Variants in NOTCH2 observed in about 807,000 individuals in gnomAD.
NOTCH2 encodes the protein notch receptor 2, also known as neurogenic locus notch homolog protein 2.
Under a neutral mutation model 235.8 loss-of-function variants are expected in NOTCH2, and 29 were observed. That is an observed-to-expected ratio of 0.12 (90% CI 0.09 to 0.17). The LOEUF is 0.17. Ranked by LOEUF, NOTCH2 falls within the 10% of genes least tolerant of loss-of-function variation. NOTCH2 has a pLI of 1.00. For missense variants in NOTCH2, 2,285 were observed against 3,150.2 expected (o/e 0.73, Z 6.57); for synonymous variants, 1,086 against 1,141.5 (o/e 0.95, Z 0.98).
At chr1:119,946,434 A>T (rs10923926) in intron 17 of NOTCH2, among the ~76,000 whole-genome samples, 101,677 of 151,998 alleles carry the variant, frequency 0.67, 40,910 homozygotes, top group East Asian at 0.9. Context: ...ATCCAATAAT[A>T]CATAAAAGGA....
intron 1 of NOTCH2, among the ~76,000 whole-genome samples, chr1:120,067,265 A>G (rs1184045484): frequency 6.9e-6 from 1 of 144,678 alleles, no homozygotes; most frequent in Non-Finnish European, 1.5e-5. Flanking sequence ...CTTCTACTGC[A>G]TTAGTTTAGC....
chr1:119,973,620 G>A (rs587714405), intron 5 of NOTCH2, among the ~76,000 whole-genome samples: 252 of 152,158 alleles, frequency 1.7e-3, no homozygotes, highest in Non-Finnish European at 2.4e-3. Flanking sequence ...GCTGATCCCA[G>A]GGTCTTACAG....
intron 19 of NOTCH2, 36 bp downstream of exon 19, chr1:119,940,519 T>C: frequency 6.3e-7 from 1 of 1,583,078 alleles, no homozygotes; most frequent in Non-Finnish European, 8.7e-7. Flanking sequence ...TCAGCTGCTC[T>C]AGGGGAGCTG....
intron 1 of NOTCH2, among the ~76,000 whole-genome samples, chr1:120,039,262 A>C (rs1299849714): frequency 5.3e-5 from 8 of 151,982 alleles, no homozygotes; most frequent in African/African-American, 2.4e-5. Flanking sequence ...TTAGTGGTCA[A>C]AGAAAGTGAA....
intron 17 of NOTCH2, among the ~76,000 whole-genome samples, chr1:119,946,973 A>T (rs1650280526): frequency 6.6e-6 from 1 of 152,152 alleles, no homozygotes; most frequent in Non-Finnish European, 1.5e-5. Flanking sequence ...AAGTTAGTTT[A>T]GTACAGTAAG....
Position 119,915,485 on chromosome 1 carries a change from G to C in NOTCH2, c.7237C>G (p.Pro2413Ala). Residue 2413 changes from proline (P) to alanine (A), a missense_variant, in exon 34 of 34, where the codon CCC (proline) becomes GCC (alanine). Physicochemically the swap from Pro to Ala is conservative, Grantham distance 27 (BLOSUM62 -1). Coordinates refer to ENST00000256646, the MANE Select transcript of NOTCH2 (RefSeq NM_024408.4). The part of the protein sequence containing the change: ...SHSGHLQGEH[P>A]YLTPSPESPD... ...GACTCTGGGGATGGTGTCAGGTAGG[G>C]ATGCTCACCCTGGAGGTGACCACTG... The C allele has an allele frequency of 6.2e-7, 1 of 1,614,170 alleles. No homozygotes were observed. The highest frequency in any genetic ancestry group is 8.5e-7 in the Non-Finnish European group (1 of 1,180,024).
At chr1:119,984,481 A>G (rs1051061774) in intron 5 of NOTCH2, among the ~76,000 whole-genome samples, 2 of 152,228 alleles carry the variant, frequency 1.3e-5, no homozygotes, top group East Asian at 3.8e-4. Flanking sequence ...TGTAATTAGC[A>G]CAGTATTTGG....
intron 22 of NOTCH2, among the ~76,000 whole-genome samples, chr1:119,932,830 T>G (rs1649716934): frequency 6.6e-6 from 1 of 152,188 alleles, no homozygotes; most frequent in East Asian, 1.9e-4. Context: ...GATACAGTTT[T>G]TGAAAAATTC....
At chr1:120,041,071 A>AAAT (rs1557859547) in intron 1 of NOTCH2, among the ~76,000 whole-genome samples, 19 of 77,296 alleles carry the variant, frequency 2.5e-4, no homozygotes, top group Non-Finnish European at 3.4e-4. Flanking sequence ...AAAAAAAAAA[A>AAAT]ATATATATAT....
rs1290494696 is a variant in NOTCH2, at chr1:119,999,966, A to G, written c.416-2634T>C. 1.6e-3 allele frequency among the ~76,000 whole-genome samples: 190 copies of G among 119,476 alleles called. 1 individual carries two copies. The highest frequency in any genetic ancestry group is 3.9e-3 in the Middle Eastern group (1 of 256). The allele number at this position is 119,476 out of a possible 152,430, so 78.4% of individuals were successfully genotyped here. On this transcript the variant is annotated intron_variant, in intron 3 of 33. Transcript: ENST00000256646. The stretch of plus-strand genomic sequence containing the variant: ...AAGAAAGAAAGAAAGAAAGAAAGAA[A>G]GAAAGAAAGAAAGGAAGGAAGGAAG...
intron 1 of NOTCH2, among the ~76,000 whole-genome samples, chr1:120,040,617 AT>A (rs1654505920): frequency 1.7e-5 from 2 of 119,862 alleles, no homozygotes; most frequent in Non-Finnish European, 3.5e-5. Context: ...TATGGAGATT[AT>A]AAATGCCTAT....
intron 3 of NOTCH2, among the ~76,000 whole-genome samples, chr1:120,000,495 T>C (rs1652706408): frequency 7.6e-6 from 1 of 131,608 alleles, no homozygotes; most frequent in African/African-American, 3.3e-5. Flanking sequence ...GATTGTGCCC[T>C]GCACTCCAGC....
chr1:119,963,281 T>C (rs1651013882), intron 11 of NOTCH2, among the ~76,000 whole-genome samples: 1 of 151,072 alleles, frequency 6.6e-6, no homozygotes, highest in African/African-American at 2.4e-5. Flanking sequence ...AAAAAGAGGG[T>C]TTTCAATTTT....
rs776991920 is a variant in NOTCH2 at position 119,919,625 on chromosome 1, G to GA, written c.5480-13dup. 12 of 1,613,004 alleles carry GA rather than the reference G, an allele frequency of 7.4e-6. No homozygotes were observed. The East Asian group carries it at 2.7e-4, about 36-fold the overall frequency. ...TGGGGTGCAGCCATCTGTAGGAATGGAAAATTCCATAAAGTACTCAAGAAG... is the reference window on the plus strand; with the variant it reads ...TGGGGTGCAGCCATCTGTAGGAATGGAAAAATTCCATAAAGTACTCAAGAAG... On this transcript the variant is annotated splice_polypyrimidine_tract_variant and intron_variant, in intron 30 of 33. Coordinates refer to ENST00000256646, the MANE Select transcript of NOTCH2 (RefSeq NM_024408.4).
chr1:120,041,065 A>T (rs1196736828), intron 1 of NOTCH2, among the ~76,000 whole-genome samples: 3 of 110,710 alleles, frequency 2.7e-5, no homozygotes, highest in South Asian at 2.9e-4. Context: ...AAAAAAAAAA[A>T]AAAAAAATAT....
At chr1:119,920,963 T>C (rs1219134917) in intron 29 of NOTCH2, among the ~76,000 whole-genome samples, 2 of 152,174 alleles carry the variant, frequency 1.3e-5, no homozygotes, top group Non-Finnish European at 1.5e-5. Flanking sequence ...ACCTAGTACA[T>C]GACAGGAAAG....
intron 2 of NOTCH2, 130 bp from the exon 3 acceptor site, chr1:120,005,718 T>C (rs1652948475): frequency 3.5e-6 from 2 of 578,976 alleles, no homozygotes; most frequent in Admixed American, 3.3e-5. Context: ...GGACCACCTA[T>C]AAAACTGCTT....
At chr1:120,067,332 C>G (rs1655546590) in intron 1 of NOTCH2, among the ~76,000 whole-genome samples, 1 of 150,170 alleles carries the variant, frequency 6.7e-6, no homozygotes, top group South Asian at 2.1e-4. Context: ...TTTGAGTCAA[C>G]TTGACTAACA....
At chr1:119,950,666 A>T in intron 15 of NOTCH2, 58 bp downstream of exon 15, 1 of 1,080,426 alleles carries the variant, frequency 9.3e-7, no homozygotes, top group Non-Finnish European at 1.4e-6. Context: ...AGACTCAGGC[A>T]CTGACAAAGC....
Sources: gnomAD v4.1 joint callset for allele counts (sites outside exome capture counted in the v4.1 genomes callset) on GRCh38, gnomAD v4.1.1 for gene constraint, MANE v1.5 for transcripts, NCBI Gene and HGNC (gene_info 2026-07-23, HGNC 2026-07-21) for gene names.